The following FNBP1 variants were observed in gnomAD, a reference collection of about 807,000 sequenced individuals.
FNBP1 encodes formin binding protein 1, also known as formin-binding protein 1.
Under a neutral mutation model 90.6 loss-of-function variants are expected in FNBP1, and 26 were observed. The ratio of observed to expected loss-of-function variants is 0.29; its 90% CI spans 0.21 to 0.40. The LOEUF (loss-of-function observed/expected upper bound fraction) is 0.40. FNBP1 is among the 10% of genes least tolerant of loss of function. The pLI, the probability that FNBP1 is intolerant of heterozygous loss-of-function variation, is 1.00. For synonymous variants in FNBP1, 260 were observed against 265.2 expected (o/e 0.98, Z 0.19); for missense variants, 635 against 768.0 (o/e 0.83, Z 2.05).
intron 11 of FNBP1, among the ~76,000 whole-genome samples, chr9:129,915,215 G>A (rs2040075965): frequency 6.6e-6 from 1 of 152,164 alleles, no homozygotes; most frequent in East Asian, 1.9e-4. Context: ...GGTAGCAGCT[G>A]CTGGCTGGGA....
chr9:129,955,334 A>G (rs2046766331), intron 6 of FNBP1, among the ~76,000 whole-genome samples: 1 of 151,804 alleles, frequency 6.6e-6, no homozygotes. Flanking sequence ...CCCAGGACCG[A>G]GCAATCCTCC....
intron 1 of FNBP1, among the ~76,000 whole-genome samples, chr9:130,021,914 T>C (rs578233975): frequency 6.6e-6 from 1 of 152,142 alleles, no homozygotes; most frequent in South Asian, 2.1e-4. Flanking sequence ...CAGGCTGGAG[T>C]GTAGTGGTGC....
chr9:129,889,004 G>A lies in FNBP1; in HGVS notation c.*1535C>T, dbSNP rs1310347700. On this transcript the variant is annotated 3_prime_UTR_variant, in exon 17 of 17. Transcript: ENST00000446176. ...GGCTTCCGTGGCGCTCTCGGTCACA[G>A]GAGCTCTAGGCCAATGGTTCCTCTT... The A allele has an allele frequency of 1.4e-5, 3 of 210,466 alleles. No individual in the cohort carries two copies. Among genetic ancestry groups the A allele is most frequent in the African/African-American group, 4.6e-5 (2 of 43,712 alleles). 13.0% of individuals were successfully genotyped at this position (210,466 alleles called of 1,614,324 possible). A position where few individuals can be genotyped will look rare whatever the true frequency, so the allele number is the denominator to read the frequency against.
At chr9:129,919,340 C>T (rs1054874) in intron 10 of FNBP1, 435,439 of 517,508 alleles carry the variant, frequency 0.84, 183,982 homozygotes, top group East Asian at 0.89. Flanking sequence ...CAAAATCTTT[C>T]GGTCAACTTT....
rs76793488 is a variant in FNBP1, at chr9:129,965,323, C to A, written c.346-6770G>T. Among the ~76,000 whole-genome samples, 331 of 152,252 alleles carry A rather than the reference C, an allele frequency of 2.2e-3. 1 individual carries two copies. Among genetic ancestry groups the A allele is most frequent in the Middle Eastern group, 6.8e-3 (2 of 294 alleles). On this transcript the variant is annotated intron_variant, in intron 4 of 16. Coordinates refer to ENST00000446176, the MANE Select transcript of FNBP1 (RefSeq NM_015033.3). ...ATAGTAAAAATACCTTCTTAATGAA[C>A]GTGTTCGAAGTTTTCTAAATGCCTA...
In FNBP1 at chr9:129,951,444, G is replaced by A. The variant is rs77259218; in HGVS notation, c.513+5916C>T. Among the ~76,000 whole-genome samples, 1,167 of 131,324 alleles carry A rather than the reference G, an allele frequency of 8.9e-3. 6 individuals are homozygous for A. The highest frequency in any genetic ancestry group is 0.03 in the Middle Eastern group (6 of 200). The allele number at this position is 131,324 out of a possible 152,430, so 86.2% of individuals were successfully genotyped here. On this transcript the variant is annotated intron_variant, in intron 6 of 16. Coordinates refer to ENST00000446176, the MANE Select transcript of FNBP1 (RefSeq NM_015033.3). Reference sequence around the variant, plus strand: ...TATTTATTTATTTATTTATTTATTTGTTTGTTTGTTTGTTTGAGACAGGAT... The same window carrying A: ...TATTTATTTATTTATTTATTTATTTATTTGTTTGTTTGTTTGAGACAGGAT...
intron 6 of FNBP1, among the ~76,000 whole-genome samples, chr9:129,949,723 C>T (rs949739935): frequency 6.9e-6 from 1 of 144,062 alleles, no homozygotes; most frequent in Non-Finnish European, 1.5e-5. Flanking sequence ...AACAAACAAA[C>T]AAAACAAAAA....
At chr9:129,929,418 A>T in intron 7 of FNBP1, 149 bp downstream of exon 7, 1 of 750,908 alleles carries the variant, frequency 1.3e-6, no homozygotes, top group Non-Finnish European at 2.0e-6. Context: ...TCAAAAAAAA[A>T]AAAAAAAAAA....
intron 12 of FNBP1, among the ~76,000 whole-genome samples, chr9:129,905,294 G>GTGTGTGTGTATATATA (rs374989661): frequency 7.6e-6 from 1 of 132,336 alleles, no homozygotes; most frequent in Non-Finnish European, 1.6e-5. Context: ...GTGTGTGTGT[G>GTGTGTGTGTATATATA]TATATATATA....
In FNBP1 at chr9:130,005,390, G is replaced by A. The variant is rs189101142; in HGVS notation, c.25-10432C>T. 3.8e-3 allele frequency among the ~76,000 whole-genome samples: 568 copies of A among 147,902 alleles called. 1 individual carries two copies. Among genetic ancestry groups the A allele is most frequent in the African/African-American group, 0.013 (522 of 40,046 alleles). On this transcript the variant is annotated intron_variant, in intron 1 of 16. Coordinates refer to ENST00000446176, the MANE Select transcript of FNBP1 (RefSeq NM_015033.3). ...GGAGTCTCGCTCTGTTGCACAGGCT[G>A]GAGTGCAGTGGTGCGATCTCAGCTC... is the stretch of plus-strand genomic sequence containing the variant.
intron 6 of FNBP1, among the ~76,000 whole-genome samples, chr9:129,940,270 T>C (rs2044132064): frequency 6.6e-6 from 1 of 152,040 alleles, no homozygotes; most frequent in Non-Finnish European, 1.5e-5. Context: ...AGGATTAAGT[T>C]AGTAAAAGAT....
In FNBP1 at chr9:130,031,731, A is replaced by T. The variant is rs1333721980; in HGVS notation, c.24+11221T>A. Among the ~76,000 whole-genome samples, 1 of 151,938 alleles carries T rather than the reference A, an allele frequency of 6.6e-6. No homozygotes were observed. Among genetic ancestry groups the T allele is most frequent in the Non-Finnish European group, 1.5e-5 (1 of 67,990 alleles). On this transcript the variant is annotated intron_variant, in intron 1 of 16. Transcript: ENST00000446176. This position sits in a 1 kb window ranked among gnomAD's most constrained non-coding sequence, Gnocchi z 4.2. ...GGCTGGAGTGCAGTGGCACAATCTC[A>T]GTTCACTGCAACATCCACCTCCTAG... is the stretch of plus-strand genomic sequence containing the variant.
chr9:129,929,531 A>C, intron 7 of FNBP1, 36 bp downstream of exon 7: 1 of 1,606,642 alleles, frequency 6.2e-7, no homozygotes, highest in Non-Finnish European at 8.5e-7. Flanking sequence ...AAAGCAAAGC[A>C]TAAAACATGA....
At chr9:129,925,964 G>A (rs1050911760) in intron 8 of FNBP1, among the ~76,000 whole-genome samples, 1 of 151,180 alleles carries the variant, frequency 6.6e-6, no homozygotes, top group African/African-American at 2.4e-5. Context: ...TAGAACTATT[G>A]TTTTCTGATT....
chr9:129,945,708 C>A (rs530310444), intron 6 of FNBP1, among the ~76,000 whole-genome samples: 1 of 152,102 alleles, frequency 6.6e-6, no homozygotes. Context: ...TGATTCCAAC[C>A]GAAGAAAACC....
intron 1 of FNBP1, among the ~76,000 whole-genome samples, chr9:130,021,661 C>T (rs551414066): frequency 6.6e-6 from 1 of 152,132 alleles, no homozygotes; most frequent in Admixed American, 6.5e-5. Flanking sequence ...AGTAAGTACA[C>T]AGACAATCAT....
chr9:130,013,335 A>G (rs1564574629), intron 1 of FNBP1, among the ~76,000 whole-genome samples: 1 of 152,188 alleles, frequency 6.6e-6, no homozygotes, highest in African/African-American at 2.4e-5. Flanking sequence ...AAAAATAAAT[A>G]AATAAGAATT....
chr9:129,992,300 A>C (rs994376805), intron 2 of FNBP1, among the ~76,000 whole-genome samples: 1 of 152,280 alleles, frequency 6.6e-6, no homozygotes, highest in African/African-American at 2.4e-5. Flanking sequence ...CAAATAATCA[A>C]CGTGAAACAG....
chr9:129,985,304 G>A (rs2051984192), intron 2 of FNBP1, among the ~76,000 whole-genome samples: 1 of 152,122 alleles, frequency 6.6e-6, no homozygotes, highest in Non-Finnish European at 1.5e-5. Flanking sequence ...GTTGGCCTAA[G>A]ACCTTTATGC....
Sources: gnomAD v4.1 joint callset for allele counts (sites outside exome capture counted in the v4.1 genomes callset) on GRCh38, gnomAD v4.1.1 for gene constraint, Gnocchi (gnomAD v3.1) non-coding constraint, MANE v1.5 for transcripts, NCBI Gene and HGNC (gene_info 2026-07-23, HGNC 2026-07-21) for gene names.